CCDC178: variants seen among roughly 807,000 people sequenced by gnomAD.
The protein encoded by CCDC178 is coiled-coil domain containing 178.
Under a neutral mutation model 117.4 loss-of-function variants are expected in CCDC178, and 126 were observed. The ratio of observed to expected loss-of-function variants is 1.07; its 90% CI spans 0.93 to 1.24. CCDC178 has a LOEUF of 1.24. Ranked by LOEUF, CCDC178 falls within the 50% of genes most tolerant of loss-of-function variation. CCDC178 has a pLI of 0.00. For missense variants in CCDC178, 1,030 were observed against 986.9 expected, an observed-to-expected ratio of 1.04 and a Z score of -0.59; for synonymous variants, 283 against 313.4, an observed-to-expected ratio of 0.90 and a Z score of 1.02.
intron 20 of CCDC178, among the ~76,000 whole-genome samples, chr18:33,116,960 A>G (rs1567998591): frequency 6.6e-6 from 1 of 152,128 alleles, no homozygotes. Context: ...AGCATTTCCT[A>G]TGAGCAGTGT....
intron 8 of CCDC178, among the ~76,000 whole-genome samples, chr18:33,347,514 T>C (rs2062913046): frequency 6.6e-6 from 1 of 152,152 alleles, no homozygotes; most frequent in Admixed American, 6.5e-5. Context: ...TGGTCCTTTA[T>C]TTGGCATCTT....
intron 20 of CCDC178, among the ~76,000 whole-genome samples, chr18:33,173,669 C>T (rs1343542891): frequency 6.6e-6 from 1 of 152,130 alleles, no homozygotes; most frequent in African/African-American, 2.4e-5. Context: ...ATATTCCTTG[C>T]GTCAGTCTCC....
chr18:33,134,913 A>G (rs2058107348), intron 20 of CCDC178, among the ~76,000 whole-genome samples: 1 of 152,084 alleles, frequency 6.6e-6, no homozygotes, highest in Non-Finnish European at 1.5e-5. Context: ...TGAACAAAAG[A>G]TATTGCTTAA....
At chr18:33,145,824 G>A (rs2058260944) in intron 20 of CCDC178, among the ~76,000 whole-genome samples, 1 of 152,174 alleles carries the variant, frequency 6.6e-6, no homozygotes, top group Admixed American at 6.5e-5. Flanking sequence ...GTTACTTTGT[G>A]AAAGTGAACT....
At chr18:33,187,383 C>A (rs958091161) in intron 20 of CCDC178, among the ~76,000 whole-genome samples, 2 of 152,018 alleles carry the variant, frequency 1.3e-5, no homozygotes, top group Admixed American at 6.6e-5. Context: ...ATAGATGCAA[C>A]CCTTTCTCTC....
chr18:33,010,136 T>C (rs2055834152), intron 21 of CCDC178, among the ~76,000 whole-genome samples: 1 of 152,186 alleles, frequency 6.6e-6, no homozygotes, highest in South Asian at 2.1e-4. Context: ...AGCTATAGTA[T>C]ACATTCAATA....
intron 5 of CCDC178, among the ~76,000 whole-genome samples, chr18:33,376,725 A>T (rs537236502): frequency 7.2e-5 from 11 of 152,276 alleles, no homozygotes; most frequent in African/African-American, 2.6e-4. Flanking sequence ...TTCCTGTGCT[A>T]ACCTACTTAG....
At chr18:33,384,207 G>A (rs572182069) in intron 5 of CCDC178, among the ~76,000 whole-genome samples, 1 of 152,240 alleles carries the variant, frequency 6.6e-6, no homozygotes, top group South Asian at 2.1e-4. Context: ...AGAACTATGG[G>A]ATTATGTAAA....
chr18:33,439,808 A>C (rs1270465839), intron 2 of CCDC178, among the ~76,000 whole-genome samples, 154 bp downstream of exon 2: 2 of 152,250 alleles, frequency 1.3e-5, no homozygotes, highest in African/African-American at 4.8e-5. Context: ...GTCAATTCAC[A>C]AATATTTATT....
chr18:33,059,719 T>C (rs1484317123), intron 21 of CCDC178, among the ~76,000 whole-genome samples: 2 of 151,990 alleles, frequency 1.3e-5, no homozygotes, highest in African/African-American at 4.8e-5. Flanking sequence ...ACCTGAAATA[T>C]TTCACTCTAT....
intron 3 of CCDC178, among the ~76,000 whole-genome samples, chr18:33,398,535 C>T (rs1479051078): frequency 6.6e-6 from 1 of 152,198 alleles, no homozygotes; most frequent in African/African-American, 2.4e-5. Flanking sequence ...TGATGTCTCT[C>T]TCCTTCAACA....
intron 20 of CCDC178, among the ~76,000 whole-genome samples, chr18:33,149,529 A>T (rs1055460952): frequency 2.6e-5 from 4 of 152,312 alleles, no homozygotes; most frequent in Admixed American, 6.5e-5. Flanking sequence ...TCATCTACCA[A>T]CACTATCAGA....
At chr18:33,396,222 G>A (rs539684452) in intron 4 of CCDC178, among the ~76,000 whole-genome samples, 10 of 151,964 alleles carry the variant, frequency 6.6e-5, no homozygotes, top group Admixed American at 1.3e-4. Context: ...TAATAATCAG[G>A]CAAATTTAAA....
chr18:33,395,377 C>T (rs997703044), intron 4 of CCDC178, among the ~76,000 whole-genome samples: 4 of 152,002 alleles, frequency 2.6e-5, no homozygotes, highest in South Asian at 2.1e-4. Context: ...TTGTAAAACT[C>T]GTTTTAAATT....
chr18:33,046,647 A>G (rs1056591332), intron 21 of CCDC178, among the ~76,000 whole-genome samples: 4 of 152,150 alleles, frequency 2.6e-5, no homozygotes, highest in Non-Finnish European at 4.4e-5. Flanking sequence ...CTATAATTCA[A>G]TGCAAAATGA....
intron 22 of CCDC178, among the ~76,000 whole-genome samples, chr18:32,947,143 G>A (rs1160146018): frequency 6.6e-6 from 1 of 152,122 alleles, no homozygotes; most frequent in Non-Finnish European, 1.5e-5. Context: ...TTACAAAGAA[G>A]ATCTTTATAG....
At chr18:33,329,663 T>C (rs2145037324) in intron 10 of CCDC178, among the ~76,000 whole-genome samples, 1 of 152,304 alleles carries the variant, frequency 6.6e-6, no homozygotes, top group African/African-American at 2.4e-5. Flanking sequence ...TGATGTATAA[T>C]CTTTTTAATA....
chr18:32,937,903 A>G lies in CCDC178; in HGVS notation c.*108T>C. 1.2e-6 allele frequency: 1 copy of G among 830,772 alleles called. No homozygotes were observed. The highest frequency in any genetic ancestry group is 2.0e-6 in the Non-Finnish European group (1 of 496,866). 51.5% of individuals were successfully genotyped at this position (830,772 alleles called of 1,614,324 possible). A position where few individuals can be genotyped will look rare whatever the true frequency, so the allele number is the denominator to read the frequency against. On this transcript the variant is annotated 3_prime_UTR_variant, in exon 23 of 23. Transcript: ENST00000383096. ...TGGGAGGTGAGTGAGTTTTTCGTTC[A>G]TGGAAGTGTGAAATGGCAAACAGGT...
chr18:33,220,193 C>T (rs2059214168), intron 18 of CCDC178, among the ~76,000 whole-genome samples: 1 of 152,068 alleles, frequency 6.6e-6, no homozygotes, highest in Non-Finnish European at 1.5e-5. Flanking sequence ...GAACAAATCC[C>T]AGTCTCTACT....
Sources: allele counts gnomAD v4.1 joint callset (sites outside exome capture counted in the v4.1 genomes callset), GRCh38; gene constraint gnomAD v4.1.1; transcripts MANE v1.5; gene names NCBI Gene and HGNC (gene_info 2026-07-23, HGNC 2026-07-21).